Variants in GINS3 observed in about 807,000 individuals in gnomAD.
GINS3 encodes the protein DNA replication complex GINS protein PSF3.
Under a neutral mutation model 20.0 loss-of-function variants are expected in GINS3, and 18 were observed. The observed-to-expected ratio is 0.90, with a 90% confidence interval of 0.62 to 1.33. The LOEUF is 1.33. GINS3 is among the 40% of genes most tolerant of loss of function. The probability of loss-of-function intolerance (pLI) is 0.00; values close to 1 mark genes in which losing one functional copy is unlikely to be tolerated. For synonymous variants in GINS3, 109 were observed against 107.0 expected (o/e 1.02, Z -0.12); for missense variants, 254 against 273.6 (o/e 0.93, Z 0.51).
intron 1 of GINS3, among the ~76,000 whole-genome samples, chr16:58,394,031 A>G (rs1391052312): frequency 2.0e-5 from 3 of 151,904 alleles, no homozygotes; most frequent in African/African-American, 7.3e-5. Context: ...TAATGTAGAC[A>G]TTATCTGTTG....
intron 1 of GINS3, among the ~76,000 whole-genome samples, chr16:58,401,117 T>TTGGTCTCGC (rs905933310): frequency 6.6e-6 from 1 of 152,114 alleles, no homozygotes; most frequent in Non-Finnish European, 1.5e-5. Flanking sequence ...AGGTGGGTTC[T>TTGGTCTCGC]TGGTCTCGCT....
intron 1 of GINS3, among the ~76,000 whole-genome samples, chr16:58,399,700 A>G (rs937906781): frequency 9.3e-5 from 14 of 151,292 alleles, no homozygotes; most frequent in Non-Finnish European, 1.5e-5. Context: ...TCCTTTCTTG[A>G]CTTCCTTTTG....
At chr16:58,395,250 ATT>A (rs778356186) in intron 1 of GINS3, 6 of 229,584 alleles carry the variant, frequency 2.6e-5, no homozygotes, top group African/African-American at 1.2e-4. Flanking sequence ...TAATTTTTGT[ATT>A]TTTTTTTTGT....
At chr16:58,395,671 C>T (rs1965843638) in intron 1 of GINS3, among the ~76,000 whole-genome samples, 1 of 152,190 alleles carries the variant, frequency 6.6e-6, no homozygotes, top group Non-Finnish European at 1.5e-5. Flanking sequence ...TCAACAGGAT[C>T]CCAAGGCAGA....
At chr16:58,394,306 T>C (rs80097355) in intron 1 of GINS3, among the ~76,000 whole-genome samples, 2,823 of 152,240 alleles carry the variant, frequency 0.019, 78 homozygotes, top group African/African-American at 0.065. Flanking sequence ...TGTTCCTCAG[T>C]TGGAAATCTT....
intron 1 of GINS3, among the ~76,000 whole-genome samples, chr16:58,401,737 A>G (rs371582504): frequency 2.0e-5 from 3 of 152,246 alleles, no homozygotes; most frequent in African/African-American, 7.2e-5. Context: ...GCCCCTGCCA[A>G]AAAGTTGGGT....
chr16:58,400,466 A>T (rs1965939948), intron 1 of GINS3, among the ~76,000 whole-genome samples: 1 of 152,222 alleles, frequency 6.6e-6, no homozygotes, highest in Non-Finnish European at 1.5e-5. Flanking sequence ...AGACTTCCAG[A>T]GGGAAAGCAG....
At chr16:58,397,426 A>G (rs1380170539) in intron 1 of GINS3, among the ~76,000 whole-genome samples, 1 of 150,168 alleles carries the variant, frequency 6.7e-6, no homozygotes, top group Non-Finnish European at 1.5e-5. Context: ...AGAGGCTGCA[A>G]TCTCGGCACT....
rs573464276 is a variant in GINS3, at chr16:58,405,841, C to T, written c.*1112C>T. ...GCATCACTGCTTCCCCCTGACACCT[C>T]ACAACTAGCAAAAATTGTCTTTGTC... On this transcript the variant is annotated 3_prime_UTR_variant, in exon 3 of 3. Transcript: ENST00000318129. 1 of 152,280 alleles carries T rather than the reference C, an allele frequency of 6.6e-6. No individual in the cohort carries two copies. The highest frequency in any genetic ancestry group is 2.1e-4 in the South Asian group (1 of 4,828). 9.4% of individuals were successfully genotyped at this position (152,280 alleles called of 1,614,324 possible). A position where few individuals can be genotyped will look rare whatever the true frequency, so the allele number is the denominator to read the frequency against.
At chr16:58,398,144 A>G (rs1490256877) in intron 1 of GINS3, among the ~76,000 whole-genome samples, 1 of 152,096 alleles carries the variant, frequency 6.6e-6, no homozygotes, top group Admixed American at 6.5e-5. Context: ...CACCACACAC[A>G]CACACACAGA....
chr16:58,402,921 A>T, intron 1 of GINS3, 177 bp from the exon 2 acceptor site: 1 of 595,964 alleles, frequency 1.7e-6, no homozygotes. Context: ...ATCATCACAT[A>T]AAACTTCAGC....
chr16:58,402,270 C>G (rs1364769669), intron 1 of GINS3, among the ~76,000 whole-genome samples: 2 of 152,128 alleles, frequency 1.3e-5, no homozygotes, highest in Non-Finnish European at 2.9e-5. Flanking sequence ...AAGTTGGCGC[C>G]TAATTTCTCT....
chr16:58,399,233 G>C (rs1183201767), intron 1 of GINS3, among the ~76,000 whole-genome samples: 1 of 150,834 alleles, frequency 6.6e-6, no homozygotes, highest in Non-Finnish European at 1.5e-5. Context: ...AGGATTACTT[G>C]AGCCTAGAAG....
chr16:58,402,854 G>T (rs1016180783), intron 1 of GINS3: 1 of 548,410 alleles, frequency 1.8e-6, no homozygotes, highest in African/African-American at 1.9e-5. Context: ...TCTCACTTAT[G>T]CTACATTTTT....
At chr16:58,403,868 G>A (rs1344367327) in intron 2 of GINS3, 2 of 160,416 alleles carry the variant, frequency 1.2e-5, no homozygotes, top group African/African-American at 4.8e-5. Context: ...CTTTGTTCTG[G>A]GGTTAGGGCT....
At position 58,396,604 on chromosome 16, in the gene GINS3, C is replaced by T. The variant is rs1172478278; in HGVS notation, c.186+3817C>T. Among the ~76,000 whole-genome samples, 60 of 26,796 alleles carry T rather than the reference C, an allele frequency of 2.2e-3. 7 individuals are homozygous for T. The highest frequency in any genetic ancestry group is 0.01 in the African/African-American group (53 of 5,212). 17.6% of individuals were successfully genotyped at this position (26,796 alleles called of 152,430 possible). A position where few individuals can be genotyped will look rare whatever the true frequency, so the allele number is the denominator to read the frequency against. ...CTCCCTCCCGGACGGGGCGGCTGGC[C>T]GGGCGGGGGGCTGATCCCCCCACCT... On this transcript the variant is annotated intron_variant, in intron 1 of 2. Coordinates refer to ENST00000318129, the MANE Select transcript of GINS3 (RefSeq NM_022770.4).
intron 1 of GINS3, among the ~76,000 whole-genome samples, chr16:58,401,200 C>A (rs185828820): frequency 6.6e-6 from 1 of 151,782 alleles, no homozygotes; most frequent in South Asian, 2.1e-4. Flanking sequence ...GTGGTGTGTC[C>A]GGAGTTTGTT....
In GINS3 at chr16:58,404,895, T is replaced by A; in HGVS notation, c.*166T>A. 1.6e-6 allele frequency: 1 copy of A among 617,902 alleles called. No individual in the cohort carries two copies. The highest frequency in any genetic ancestry group is 2.8e-6 in the Non-Finnish European group (1 of 353,444). 38.3% of individuals were successfully genotyped at this position (617,902 alleles called of 1,614,324 possible). On this transcript the variant is annotated 3_prime_UTR_variant, in exon 3 of 3. Transcript: ENST00000318129. ...CTGGACATGCTGGAGGATGTGGGTG[T>A]CCCTGGCTCTGTGAGTCTTCCAGGA...
intron 1 of GINS3, among the ~76,000 whole-genome samples, chr16:58,401,786 G>A (rs545697731): frequency 3.9e-5 from 6 of 152,308 alleles, no homozygotes; most frequent in Non-Finnish European, 7.4e-5. Context: ...CAGTGTGTTC[G>A]TCACTCCCAT....
Sources: allele counts gnomAD v4.1 joint callset (sites outside exome capture counted in the v4.1 genomes callset), GRCh38; gene constraint gnomAD v4.1.1; transcripts MANE v1.5; gene names NCBI Gene and HGNC (gene_info 2026-07-23, HGNC 2026-07-21).